VWA8: variants seen among roughly 807,000 people sequenced by gnomAD.
VWA8 encodes von Willebrand factor A domain containing 8, also known as von Willebrand factor A domain-containing protein 8.
A neutral mutation model predicts 241.5 loss-of-function variants in VWA8; 221 were observed. The observed-to-expected ratio is 0.91, with a 90% confidence interval of 0.82 to 1.02. The LOEUF (loss-of-function observed/expected upper bound fraction) is 1.02, where lower values mean the gene tolerates loss of function less well. VWA8 is among the 50% of genes least tolerant of loss of function. The pLI is 0.00. For synonymous variants in VWA8, 852 were observed against 827.1 expected (o/e 1.03, Z -0.52); for missense variants, 2,322 against 2,328.7 (o/e 1.00, Z 0.06).
intron 41 of VWA8, among the ~76,000 whole-genome samples, chr13:41,588,565 T>C (rs1484444288): frequency 6.6e-6 from 1 of 151,780 alleles, no homozygotes; most frequent in Non-Finnish European, 1.5e-5. Flanking sequence ...TACAAAAAAA[T>C]ACACAAATCA....
intron 26 of VWA8, among the ~76,000 whole-genome samples, chr13:41,704,635 T>A (rs549530225): frequency 1.3e-5 from 2 of 152,120 alleles, no homozygotes; most frequent in Admixed American, 1.3e-4. Flanking sequence ...CTAATTTTTT[T>A]ATTTTTTATT....
chr13:41,671,235 G>C (rs896535659), intron 36 of VWA8, 88 bp from the exon 37 acceptor site: 5 of 1,389,626 alleles, frequency 3.6e-6, no homozygotes, highest in Non-Finnish European at 5.0e-6. Flanking sequence ...CTTTACTGTT[G>C]AAAAAGTATG....
intron 37 of VWA8, among the ~76,000 whole-genome samples, chr13:41,634,306 GTC>G (rs2044743599): frequency 6.6e-6 from 1 of 152,036 alleles, no homozygotes; most frequent in East Asian, 1.9e-4. Flanking sequence ...ATTTTTTCAT[GTC>G]TGTCTCCCTC....
chr13:41,594,311 T>C (rs1190503251), intron 40 of VWA8, among the ~76,000 whole-genome samples: 1 of 151,856 alleles, frequency 6.6e-6, no homozygotes. Flanking sequence ...TAAATTTTTG[T>C]GGAGTTGGGG....
chr13:41,769,539 T>C (rs73466982), intron 20 of VWA8, among the ~76,000 whole-genome samples: 1,815 of 152,298 alleles, frequency 0.012, 34 homozygotes, highest in African/African-American at 0.039. Flanking sequence ...TGTCCTTTAC[T>C]TAGTATGTAA....
Position 41,689,435 on chromosome 13 carries a change from T to C in VWA8, c.4050A>G (p.Glu1350=). Residue 1350 remains glutamate, a synonymous_variant, in exon 34 of 45, where the codon GAA becomes GAG. Transcript: ENST00000379310. ...LSSEHLSSAV[E]QKIASPNRIL... ...TTCTGTTGGGAGAGGCAATCTTTTG[T>C]TCCACAGCTGAACTTAGATGTTCAG... 5 of 1,612,146 alleles carry C rather than the reference T, an allele frequency of 3.1e-6. No individual in the cohort carries two copies. The highest frequency in any genetic ancestry group is 4.2e-6 in the Non-Finnish European group (5 of 1,179,124).
intron 2 of VWA8, chr13:41,925,818 C>A (rs1876802846): frequency 3.7e-6 from 1 of 271,422 alleles, no homozygotes; most frequent in Admixed American, 3.8e-5. Context: ...GGACCCAAAT[C>A]AACACTACAA....
intron 37 of VWA8, 84 bp from the exon 38 acceptor site, chr13:41,615,168 T>A: frequency 7.3e-7 from 1 of 1,371,908 alleles, no homozygotes; most frequent in Non-Finnish European, 1.0e-6. Context: ...TATTTTCTCC[T>A]AAGTCCTTAA....
At chr13:41,929,833 T>C (rs1200564288) in intron 2 of VWA8, among the ~76,000 whole-genome samples, 1 of 152,208 alleles carries the variant, frequency 6.6e-6, no homozygotes, top group Non-Finnish European at 1.5e-5. Context: ...ATGATTTCTT[T>C]TTTATTATCT....
At chr13:41,624,794 T>A (rs1463017975) in intron 37 of VWA8, among the ~76,000 whole-genome samples, 1 of 152,040 alleles carries the variant, frequency 6.6e-6, no homozygotes, top group African/African-American at 2.4e-5. Flanking sequence ...TTACTCCCAT[T>A]CCACGCGGCA....
At chr13:41,635,582 G>C (rs888395773) in intron 37 of VWA8, among the ~76,000 whole-genome samples, 1 of 152,156 alleles carries the variant, frequency 6.6e-6, no homozygotes, top group Admixed American at 6.5e-5. Flanking sequence ...TAGATGCTGA[G>C]GATACAAAGC....
chr13:41,812,729 T>C (rs1870527545), intron 16 of VWA8, among the ~76,000 whole-genome samples: 1 of 152,160 alleles, frequency 6.6e-6, no homozygotes, highest in Admixed American at 6.6e-5. Flanking sequence ...CTTTGGGAAT[T>C]AGGTTGGAAG....
intron 12 of VWA8, among the ~76,000 whole-genome samples, chr13:41,855,900 A>G (rs1872727873): frequency 6.6e-6 from 1 of 152,254 alleles, no homozygotes; most frequent in African/African-American, 2.4e-5. Flanking sequence ...CTTTTCTACT[A>G]TAATAGCAGA....
At chr13:41,694,791 T>C (rs967939055) in intron 29 of VWA8, among the ~76,000 whole-genome samples, 2 of 152,136 alleles carry the variant, frequency 1.3e-5, no homozygotes, top group Non-Finnish European at 2.9e-5. Flanking sequence ...TAAACAAATA[T>C]GATCAAGCAG....
intron 29 of VWA8, among the ~76,000 whole-genome samples, chr13:41,693,825 T>C (rs552628547): frequency 5.2e-4 from 79 of 152,124 alleles, no homozygotes; most frequent in Admixed American, 9.8e-4. Context: ...ATAAAGAATT[T>C]TGAAGATTAG....
intron 2 of VWA8, among the ~76,000 whole-genome samples, chr13:41,939,216 T>C (rs554920436): frequency 6.6e-6 from 1 of 152,272 alleles, no homozygotes; most frequent in Admixed American, 6.5e-5. Context: ...TATTGAAAAC[T>C]TGCTATGCTG....
In VWA8 at chr13:41,784,737, C is replaced by CACATAT. The variant is rs1191810226; in HGVS notation, c.2171-837_2171-836insATATGT. Among the ~76,000 whole-genome samples the CACATAT allele has an allele frequency of 1.8e-3, 130 of 72,538 alleles. 1 individual carries two copies. Among genetic ancestry groups the CACATAT allele is most frequent in the Middle Eastern group, 7.1e-3 (1 of 140 alleles). The allele number at this position is 72,538 out of a possible 152,430, so 47.6% of individuals were successfully genotyped here. Reference sequence around the variant, plus strand: ...ATATATATATATATATATACACACACATATATATATATATATATATATATA... The same window carrying CACATAT: ...ATATATATATATATATATACACACACACATATATATATATATATATATATATATATA... On this transcript the variant is annotated intron_variant, in intron 18 of 44. Coordinates refer to ENST00000379310, the MANE Select transcript of VWA8 (RefSeq NM_015058.2).
intron 37 of VWA8, among the ~76,000 whole-genome samples, chr13:41,627,459 G>A (rs2044699401): frequency 6.6e-6 from 1 of 152,148 alleles, no homozygotes; most frequent in African/African-American, 2.4e-5. Flanking sequence ...AGGTTCGCTA[G>A]GGCCGCTCAG....
chr13:41,681,935 G>A (rs9566820), intron 35 of VWA8, among the ~76,000 whole-genome samples: 9,895 of 152,228 alleles, frequency 0.065, 390 homozygotes, highest in East Asian at 0.12. Flanking sequence ...AGAAGTCGGA[G>A]AGTTATGTAA....
Sources: gnomAD v4.1 joint callset for allele counts (sites outside exome capture counted in the v4.1 genomes callset) on GRCh38, gnomAD v4.1.1 for gene constraint, MANE v1.5 for transcripts, NCBI Gene and HGNC (gene_info 2026-07-23, HGNC 2026-07-21) for gene names.